The following NDUFAF2 variants were observed in gnomAD, a reference collection of about 807,000 sequenced individuals.
NDUFAF2 encodes NADH dehydrogenase [ubiquinone] 1 alpha subcomplex assembly factor 2.
A neutral mutation model predicts 22.8 loss-of-function variants in NDUFAF2; 13 were observed. That is an observed-to-expected ratio of 0.57 (90% CI 0.37 to 0.91). NDUFAF2 has a LOEUF of 0.91. NDUFAF2 is among the 40% of genes least tolerant of loss of function. NDUFAF2 has a pLI of 0.01. For synonymous variants in NDUFAF2, 53 were observed against 64.2 expected (o/e 0.83, Z 0.84); for missense variants, 162 against 195.2 (o/e 0.83, Z 1.01).
At chr5:60,976,612 T>A (rs991985087) in intron 1 of NDUFAF2, among the ~76,000 whole-genome samples, 2 of 152,210 alleles carry the variant, frequency 1.3e-5, no homozygotes, top group Non-Finnish European at 2.9e-5. Flanking sequence ...AAAAGTAGTT[T>A]CTTTGAGGAT....
At chr5:61,004,288 T>A (rs774520623) in intron 1 of NDUFAF2, among the ~76,000 whole-genome samples, 6 of 152,148 alleles carry the variant, frequency 3.9e-5, no homozygotes, top group Non-Finnish European at 7.4e-5. Flanking sequence ...TGATTTCCTG[T>A]GAATTAAATC....
intron 3 of NDUFAF2, among the ~76,000 whole-genome samples, chr5:61,137,861 C>G (rs1420688311): frequency 6.6e-6 from 1 of 152,130 alleles, no homozygotes; most frequent in Non-Finnish European, 1.5e-5. Flanking sequence ...TGATGTAGGC[C>G]CAACAAAGCT....
intron 1 of NDUFAF2, among the ~76,000 whole-genome samples, chr5:60,994,271 C>T (rs162248): frequency 0.57 from 86,809 of 152,144 alleles, 26,056 homozygotes; most frequent in East Asian, 0.94. Flanking sequence ...CTCAGTCTCC[C>T]GAGAGTGCAC....
intron 3 of NDUFAF2, among the ~76,000 whole-genome samples, chr5:61,152,305 G>C (rs973664808): frequency 6.6e-6 from 1 of 151,956 alleles, no homozygotes; most frequent in Non-Finnish European, 1.5e-5. Flanking sequence ...AAAAAAAAAG[G>C]GTAGTCAGAG....
intron 1 of NDUFAF2, among the ~76,000 whole-genome samples, chr5:60,992,631 T>G (rs1751175803): frequency 6.6e-6 from 1 of 152,208 alleles, no homozygotes; most frequent in African/African-American, 2.4e-5. Flanking sequence ...GTGAGTTTTG[T>G]ACCTTCTGGT....
chr5:61,100,523 G>T (rs1310479356), intron 3 of NDUFAF2, among the ~76,000 whole-genome samples: 1 of 100,740 alleles, frequency 9.9e-6, no homozygotes, highest in Non-Finnish European at 1.9e-5. Flanking sequence ...ATGCTGCTTC[G>T]TACCCTCCCT....
At chr5:61,150,953 A>G (rs189767366) in intron 3 of NDUFAF2, among the ~76,000 whole-genome samples, 5 of 152,336 alleles carry the variant, frequency 3.3e-5, no homozygotes, top group Non-Finnish European at 7.3e-5. Flanking sequence ...TGGAGCAACC[A>G]TACAGAACTC....
chr5:61,010,523 A>G (rs1751430406), intron 1 of NDUFAF2, among the ~76,000 whole-genome samples: 1 of 151,950 alleles, frequency 6.6e-6, no homozygotes, highest in Non-Finnish European at 1.5e-5. Flanking sequence ...TCTCATTTAA[A>G]TACATCTTCC....
chr5:60,998,867 A>G (rs1421696485), intron 1 of NDUFAF2, among the ~76,000 whole-genome samples: 1 of 151,918 alleles, frequency 6.6e-6, no homozygotes, highest in Non-Finnish European at 1.5e-5. Context: ...TCCATATAGG[A>G]GACCCATTAT....
intron 1 of NDUFAF2, among the ~76,000 whole-genome samples, chr5:60,958,729 T>C (rs1561527265): frequency 6.6e-6 from 1 of 152,136 alleles, no homozygotes; most frequent in African/African-American, 2.4e-5. Flanking sequence ...AGAAAATGGT[T>C]TTTCTGTTAA....
chr5:61,064,006 A>G (rs1395387849), intron 1 of NDUFAF2, among the ~76,000 whole-genome samples: 1 of 152,176 alleles, frequency 6.6e-6, no homozygotes, highest in African/African-American at 2.4e-5. Flanking sequence ...GAGACCTACA[A>G]CAGCTTTAAG....
chr5:61,122,224 C>T (rs887013130), intron 3 of NDUFAF2, among the ~76,000 whole-genome samples: 1 of 152,174 alleles, frequency 6.6e-6, no homozygotes, highest in East Asian at 1.9e-4. Flanking sequence ...TCTCCATAAT[C>T]ATGAGAGCCA....
chr5:61,125,119 A>G lies in NDUFAF2; in HGVS notation c.258+26087A>G, dbSNP rs548724549. 2.6e-5 allele frequency among the ~76,000 whole-genome samples: 4 copies of G among 152,156 alleles called. No homozygotes were observed. In the South Asian group the frequency reaches 8.3e-4, roughly 32 times the overall value. On this transcript the variant is annotated intron_variant, in intron 3 of 3. Coordinates refer to ENST00000296597, the MANE Select transcript of NDUFAF2 (RefSeq NM_174889.5). ...CCTGACACCTGAGGATTACAATTGA[A>G]CATCAGATTTGCATGGGTACACAGT...
intron 2 of NDUFAF2, among the ~76,000 whole-genome samples, chr5:61,098,786 A>G (rs1167890327): frequency 6.6e-6 from 1 of 151,988 alleles, no homozygotes; most frequent in African/African-American, 2.4e-5. Context: ...ATCACCACCA[A>G]CCATATGTTT....
intron 2 of NDUFAF2, among the ~76,000 whole-genome samples, chr5:61,075,472 A>G (rs1752355716): frequency 6.6e-6 from 1 of 152,218 alleles, no homozygotes. Flanking sequence ...AACTACATTT[A>G]CAATTCTTGG....
chr5:61,099,653 A>C (rs1752683013), intron 3 of NDUFAF2, among the ~76,000 whole-genome samples: 1 of 151,698 alleles, frequency 6.6e-6, no homozygotes, highest in Non-Finnish European at 1.5e-5. Flanking sequence ...ATTTTATAAA[A>C]ATTATAATTT....
chr5:61,045,916 T>G (rs961516441), intron 1 of NDUFAF2, among the ~76,000 whole-genome samples: 1 of 152,312 alleles, frequency 6.6e-6, no homozygotes, highest in South Asian at 2.1e-4. Flanking sequence ...AGGAAAAGCT[T>G]TCAACTCTTC....
chr5:60,972,594 T>G (rs1460897724), intron 1 of NDUFAF2, among the ~76,000 whole-genome samples: 1 of 152,116 alleles, frequency 6.6e-6, no homozygotes, highest in Non-Finnish European at 1.5e-5. Context: ...TACCCAGTCT[T>G]GGGTATTCCT....
At chr5:61,049,886 T>TACACACACACAC (rs70977822) in intron 1 of NDUFAF2, among the ~76,000 whole-genome samples, 1,739 of 144,390 alleles carry the variant, frequency 0.012, 13 homozygotes, top group Non-Finnish European at 0.018. Flanking sequence ...ATTTAAATTA[T>TACACACACACAC]ACACACACAC....
Sources: gnomAD v4.1 joint callset for allele counts (sites outside exome capture counted in the v4.1 genomes callset) on GRCh38, gnomAD v4.1.1 for gene constraint, MANE v1.5 for transcripts, NCBI Gene and HGNC (gene_info 2026-07-23, HGNC 2026-07-21) for gene names.